Variants in PCSK5 observed in about 807,000 individuals in gnomAD.
PCSK5 encodes the protein proprotein convertase subtilisin/kexin type 5.
In PCSK5, 129 loss-of-function variants were observed where a neutral mutation model predicts 233.2. That is an observed-to-expected ratio of 0.55 (90% confidence interval 0.48 to 0.64). The LOEUF (loss-of-function observed/expected upper bound fraction) is 0.64. Among genes scored for constraint, PCSK5 ranks in the 30% least tolerant of loss-of-function variants. The probability of loss-of-function intolerance (pLI) is 0.00; values close to 1 mark genes in which losing one functional copy is unlikely to be tolerated. For missense variants in PCSK5, 2,076 were observed against 2,430.1 expected, an observed-to-expected ratio of 0.85 and a Z score of 3.06; for synonymous variants, 825 against 879.2, an observed-to-expected ratio of 0.94 and a Z score of 1.09.
intron 9 of PCSK5, among the ~76,000 whole-genome samples, chr9:76,120,613 G>A (rs1832595334): frequency 6.6e-6 from 1 of 151,650 alleles, no homozygotes; most frequent in East Asian, 1.9e-4. Flanking sequence ...CTATAACAGA[G>A]CCATTATTTT....
chr9:75,971,686 G>A (rs1457118509), intron 2 of PCSK5, among the ~76,000 whole-genome samples: 1 of 152,096 alleles, frequency 6.6e-6, no homozygotes, highest in Admixed American at 6.5e-5. Context: ...AATGATCAGT[G>A]ATGATGAGCT....
At chr9:76,176,009 GTGT>G (rs1823598310) in intron 14 of PCSK5, among the ~76,000 whole-genome samples, 1 of 128,320 alleles carries the variant, frequency 7.8e-6, no homozygotes, top group Non-Finnish European at 1.6e-5. Context: ...GTTTTGGTTT[GTGT>G]TGTTTTGACA....
intron 10 of PCSK5, among the ~76,000 whole-genome samples, chr9:76,149,725 T>C (rs1823585147): frequency 6.6e-6 from 1 of 152,206 alleles, no homozygotes; most frequent in South Asian, 2.1e-4. Flanking sequence ...AAATGGGATC[T>C]GGATATGATG....
chr9:76,063,319 CTTTTTTTTTTTTTTT>C (rs1157596601), intron 5 of PCSK5, among the ~76,000 whole-genome samples: 3 of 59,674 alleles, frequency 5.0e-5, no homozygotes, highest in African/African-American at 6.4e-5. Context: ...TTTCTTTTTT[CTTTTTTTTTTTTTTT>C]TTTTTTTTTT....
At chr9:76,247,852 T>C (rs952061276) in intron 24 of PCSK5, among the ~76,000 whole-genome samples, 2 of 152,018 alleles carry the variant, frequency 1.3e-5, no homozygotes, top group African/African-American at 2.4e-5. Flanking sequence ...CGGCGTGATC[T>C]TGGCTCACTG....
At chr9:76,153,756 AAC>A (rs1377160418) in intron 10 of PCSK5, among the ~76,000 whole-genome samples, 4 of 152,198 alleles carry the variant, frequency 2.6e-5, no homozygotes, top group Non-Finnish European at 5.9e-5. Flanking sequence ...TTCCCTGGTA[AAC>A]GCTTTATGAC....
chr9:76,175,340 C>G (rs1016695607), intron 14 of PCSK5: 26 of 529,204 alleles, frequency 4.9e-5, no homozygotes, highest in Middle Eastern at 9.0e-4. Context: ...TAGAACAGAA[C>G]AATCTACTAC....
chr9:75,988,097 A>G (rs1405357630), intron 3 of PCSK5, among the ~76,000 whole-genome samples: 2 of 152,156 alleles, frequency 1.3e-5, no homozygotes, highest in Non-Finnish European at 2.9e-5. Context: ...CACTCTGAAG[A>G]ACCACTATTA....
chr9:76,314,857 T>C (rs566755594), intron 30 of PCSK5, among the ~76,000 whole-genome samples: 2 of 152,242 alleles, frequency 1.3e-5, no homozygotes, highest in East Asian at 3.9e-4. Flanking sequence ...GCCAGGCTGG[T>C]CTCGGAACTC....
At position 76,057,865 on chromosome 9, in the gene PCSK5, G is replaced by T. The variant is rs973137684; in HGVS notation, c.633-10090G>T. ...TTTTTTTTTTTTTTTTTGAGACAGG[G>T]TCTCACTGTTGCCCAAGCTGGAGTG... On this transcript the variant is annotated intron_variant, in intron 5 of 37. Coordinates refer to ENST00000674117, the MANE Select transcript of PCSK5 (RefSeq NM_001372043.1). Among the ~76,000 whole-genome samples, 3 of 123,664 alleles carry T rather than the reference G, an allele frequency of 2.4e-5. No homozygotes were observed. In the East Asian group the frequency reaches 7.1e-4, roughly 29 times the overall value. The allele number at this position is 123,664 out of a possible 152,430, so 81.1% of individuals were successfully genotyped here.
At chr9:76,090,920 G>A (rs1206153881) in intron 7 of PCSK5, among the ~76,000 whole-genome samples, 1 of 152,094 alleles carries the variant, frequency 6.6e-6, no homozygotes, top group Non-Finnish European at 1.5e-5. Context: ...TCAGTCATTA[G>A]ATTCTCGTGA....
chr9:75,927,230 A>G (rs555969645), intron 1 of PCSK5, among the ~76,000 whole-genome samples: 4 of 152,254 alleles, frequency 2.6e-5, no homozygotes, highest in African/African-American at 7.2e-5. Flanking sequence ...CCATTTGTAT[A>G]TCTTCTTTTG....
chr9:76,100,858 T>C (rs1300935654), intron 8 of PCSK5, among the ~76,000 whole-genome samples: 1 of 152,156 alleles, frequency 6.6e-6, no homozygotes, highest in Non-Finnish European at 1.5e-5. Flanking sequence ...AGCACTGAGC[T>C]CCCAAGGTCA....
In PCSK5 at chr9:76,003,035, A is replaced by G. The variant is rs547854640; in HGVS notation, c.411+16790A>G. Among the ~76,000 whole-genome samples, 52 of 152,320 alleles carry G rather than the reference A, an allele frequency of 3.4e-4. No homozygotes were observed. The South Asian group carries it at 0.011, about 32-fold the overall frequency. Reference sequence around the variant, plus strand: ...TGCAGTCTGTTCTTGTTTTCTTACTATGGAGCCTTGAGTACCTTGTTGGAT... The same window carrying G: ...TGCAGTCTGTTCTTGTTTTCTTACTGTGGAGCCTTGAGTACCTTGTTGGAT... On this transcript the variant is annotated intron_variant, in intron 3 of 37. Transcript: ENST00000674117.
At chr9:76,069,163 C>T (rs557414495) in intron 6 of PCSK5, among the ~76,000 whole-genome samples, 1 of 152,020 alleles carries the variant, frequency 6.6e-6, no homozygotes, top group South Asian at 2.1e-4. Flanking sequence ...ATTTATTAAG[C>T]ACAATGCATA....
chr9:76,323,281 G>C lies in PCSK5; in HGVS notation c.4332G>C (p.Glu1444Asp), dbSNP rs746703164. The C allele has an allele frequency of 6.9e-6, 11 of 1,592,616 alleles. No homozygotes were observed. In the East Asian group the frequency reaches 2.0e-4, roughly 29 times the overall value. Residue 1444 changes from glutamate (E) to aspartate (D), a missense_variant, in exon 32 of 38, where the codon GAG (glutamate) becomes GAC (aspartate). By Grantham distance (45) the Glu-to-Asp change is conservative (BLOSUM62 2). Around this residue, in one of 6 missense-constraint regions of PCSK5, gnomAD observed 1,510 missense variants for 1,538.1 expected, o/e 0.98. Transcript: ENST00000674117. ...CCTATTATGAAAAGGAGACTAAGGAGTGCAGAGGTAAAGACTTCTGGGATT... is the reference window on the plus strand; with the variant it reads ...CCTATTATGAAAAGGAGACTAAGGACTGCAGAGGTAAAGACTTCTGGGATT... The part of the protein sequence containing the change: ...AGTYYEKETK[E>D]CRDCHKSCLT...
intron 9 of PCSK5, among the ~76,000 whole-genome samples, chr9:76,116,234 A>G (rs140355759): frequency 5.9e-5 from 9 of 152,244 alleles, no homozygotes; most frequent in East Asian, 5.8e-4. Flanking sequence ...CAGCACATTC[A>G]TAGTGAAATA....
Position 76,040,371 on chromosome 9 carries a change from CTCTCTCTCTCTCTG to C in PCSK5, c.632+13348_632+13361del, listed in dbSNP as rs1563988585. Among the ~76,000 whole-genome samples the C allele has an allele frequency of 4.0e-4, 25 of 62,386 alleles. 2 individuals are homozygous for C. In the East Asian group the frequency reaches 7.3e-3, roughly 18 times the overall value. 40.9% of individuals were successfully genotyped at this position (62,386 alleles called of 152,430 possible). ...TCTCTCTCTCTCTCTCTCTCTCTCTCTCTCTCTCTCTCTGTCTCTCTCTCTCTCTCTCTCTCTCT... is the reference window on the plus strand; with the variant it reads ...TCTCTCTCTCTCTCTCTCTCTCTCTCTCTCTCTCTCTCTCTCTCTCTCTCT... On this transcript the variant is annotated intron_variant, in intron 5 of 37. Coordinates refer to ENST00000674117, the MANE Select transcript of PCSK5 (RefSeq NM_001372043.1).
rs186239848 is a variant in PCSK5, at chr9:76,071,648, G to A, written c.722-78G>A. 8 of 1,216,172 alleles carry A rather than the reference G, an allele frequency of 6.6e-6. No homozygotes were observed. In the East Asian group the frequency reaches 7.3e-5, roughly 11 times the overall value. 75.3% of individuals were successfully genotyped at this position (1,216,172 alleles called of 1,614,324 possible). On this transcript the variant is annotated intron_variant, in intron 6 of 37. Coordinates refer to ENST00000674117, the MANE Select transcript of PCSK5 (RefSeq NM_001372043.1). ...TGATTAAAAATGTATTCTTCCCCCC[G>A]AGAATCCTGCAGCTCTGTTCTTTGA...
Sources: allele counts gnomAD v4.1 joint callset (sites outside exome capture counted in the v4.1 genomes callset), GRCh38; gene constraint gnomAD v4.1.1; regional missense constraint gnomAD v4.1.1; transcripts MANE v1.5; gene names NCBI Gene and HGNC (gene_info 2026-07-23, HGNC 2026-07-21).